The following DSCAM variants were observed in gnomAD, a reference collection of about 807,000 sequenced individuals.
DSCAM encodes cell adhesion molecule DSCAM.
Under a neutral mutation model 217.7 loss-of-function variants are expected in DSCAM, and 47 were observed. That is an observed-to-expected ratio of 0.22 (90% CI 0.17 to 0.28). The LOEUF (loss-of-function observed/expected upper bound fraction) is 0.28. Among genes scored for constraint, DSCAM ranks in the 10% least tolerant of loss-of-function variants. The probability of loss-of-function intolerance (pLI) is 1.00; values close to 1 mark genes in which losing one functional copy is unlikely to be tolerated. For missense variants in DSCAM, 2,080 were observed against 2,618.3 expected (o/e 0.79, Z 4.49); for synonymous variants, 1,056 against 1,015.3 (o/e 1.04, Z -0.76).
At chr21:40,804,300 G>T (rs774777492) in intron 1 of DSCAM, among the ~76,000 whole-genome samples, 41 of 152,134 alleles carry the variant, frequency 2.7e-4, no homozygotes, top group Non-Finnish European at 5.4e-4. Context: ...TTTTCCAGAG[G>T]ATCACAGAAA....
chr21:40,709,968 C>T (rs146506511), intron 1 of DSCAM, among the ~76,000 whole-genome samples: 69 of 152,270 alleles, frequency 4.5e-4, no homozygotes, highest in African/African-American at 1.5e-3. Context: ...AGTGTTAAAG[C>T]GTTCCTATTT....
intron 3 of DSCAM, among the ~76,000 whole-genome samples, chr21:40,545,614 A>C (rs780811307): frequency 2.6e-5 from 4 of 152,054 alleles, no homozygotes; most frequent in Non-Finnish European, 4.4e-5. Flanking sequence ...CAGTTTCCTC[A>C]TCTCTAAAAC....
intron 1 of DSCAM, among the ~76,000 whole-genome samples, chr21:40,775,737 C>T (rs2091482209): frequency 6.6e-6 from 1 of 152,164 alleles, no homozygotes; most frequent in South Asian, 2.1e-4. Flanking sequence ...GTCGGCATCC[C>T]TGGTTCTCAA....
Position 40,846,692 on chromosome 21 carries a change from G to A in DSCAM, c.-31C>T. The A allele has an allele frequency of 6.2e-6, 7 of 1,120,534 alleles. No homozygotes were observed. The highest frequency in any genetic ancestry group is 7.8e-6 in the Non-Finnish European group (7 of 901,478). 69.4% of individuals were successfully genotyped at this position (1,120,534 alleles called of 1,614,324 possible). A position where few individuals can be genotyped will look rare whatever the true frequency, so the allele number is the denominator to read the frequency against. On this transcript the variant is annotated 5_prime_UTR_variant, in exon 1 of 33. Coordinates refer to ENST00000400454, the MANE Select transcript of DSCAM (RefSeq NM_001389.5). ...TGCCGCTCCCCGGCCTCCCGCGAGC[G>A]ACGCGCCGGCCTCGCCCCCCGCGCT...
chr21:40,039,234 C>T (rs1023760098), intron 32 of DSCAM, among the ~76,000 whole-genome samples: 4 of 149,370 alleles, frequency 2.7e-5, no homozygotes, highest in African/African-American at 7.4e-5. Flanking sequence ...GGAAACGTGT[C>T]AGAAAAAAAT....
chr21:40,447,148 C>G (rs2075681639), intron 3 of DSCAM, among the ~76,000 whole-genome samples: 1 of 152,176 alleles, frequency 6.6e-6, no homozygotes, highest in African/African-American at 2.4e-5. Context: ...ATTTCTTCCT[C>G]AGGGTGGAGG....
In DSCAM at chr21:40,642,042, C is replaced by CAA. The variant is rs67361149; in HGVS notation, c.508+50766_508+50767dup. ...TGCCTGGGTGACAGAGACTCTGTCT[C>CAA]AAAAAAAAAAAAAAAAACAAAGATT... On this transcript the variant is annotated intron_variant, in intron 3 of 32. Coordinates refer to ENST00000400454, the MANE Select transcript of DSCAM (RefSeq NM_001389.5). 4.3e-3 allele frequency among the ~76,000 whole-genome samples: 382 copies of CAA among 89,054 alleles called. 9 individuals carry two copies. Among genetic ancestry groups the CAA allele is most frequent in the East Asian group, 0.04 (103 of 2,590 alleles). 58.4% of individuals were successfully genotyped at this position (89,054 alleles called of 152,430 possible). A position where few individuals can be genotyped will look rare whatever the true frequency, so the allele number is the denominator to read the frequency against.
At chr21:40,082,584 ACT>A (rs1367871919) in intron 24 of DSCAM, among the ~76,000 whole-genome samples, 5 of 151,202 alleles carry the variant, frequency 3.3e-5, no homozygotes, top group East Asian at 2.0e-4. Flanking sequence ...TCTATTAATG[ACT>A]CTCTGTGCAT....
chr21:40,607,606 G>C (rs888444124), intron 3 of DSCAM, among the ~76,000 whole-genome samples: 1 of 151,936 alleles, frequency 6.6e-6, no homozygotes, highest in East Asian at 1.9e-4. Context: ...TGGAAACATG[G>C]GCGGGTGGGG....
At chr21:40,279,227 C>T (rs1368318348) in intron 10 of DSCAM, among the ~76,000 whole-genome samples, 1 of 152,154 alleles carries the variant, frequency 6.6e-6, no homozygotes, top group Non-Finnish European at 1.5e-5. Flanking sequence ...AAAGGACAAC[C>T]ATTTTTATCC....
intron 3 of DSCAM, among the ~76,000 whole-genome samples, chr21:40,573,165 G>A (rs996426813): frequency 6.6e-5 from 10 of 151,966 alleles, no homozygotes; most frequent in South Asian, 6.2e-4. Context: ...TTGAAACCCC[G>A]TCTCTACTAA....
At chr21:40,356,388 G>GATATAT (rs60717299) in intron 4 of DSCAM, among the ~76,000 whole-genome samples, 58,966 of 146,846 alleles carry the variant, frequency 0.4, 12,443 homozygotes, top group Non-Finnish European at 0.47. Flanking sequence ...GCTTGATAGT[G>GATATAT]ATATATATAT....
chr21:40,340,443 A>G (rs989307216), intron 6 of DSCAM, among the ~76,000 whole-genome samples: 1 of 152,222 alleles, frequency 6.6e-6, no homozygotes, highest in African/African-American at 2.4e-5. Context: ...ATACATGCAT[A>G]TTAAAGGAAA....
chr21:40,475,892 G>C (rs1217835179), intron 3 of DSCAM, among the ~76,000 whole-genome samples: 2 of 151,994 alleles, frequency 1.3e-5, no homozygotes, highest in South Asian at 2.1e-4. Flanking sequence ...CATTTGAGTA[G>C]TTTCAAGTTT....
intron 3 of DSCAM, among the ~76,000 whole-genome samples, chr21:40,626,501 T>C (rs2089603037): frequency 6.6e-6 from 1 of 152,232 alleles, no homozygotes; most frequent in Non-Finnish European, 1.5e-5. Context: ...CTTTGGTGAC[T>C]TTCCATTGAA....
intron 2 of DSCAM, among the ~76,000 whole-genome samples, chr21:40,706,180 CAAAA>C (rs560131166): frequency 2.0e-5 from 2 of 99,478 alleles, no homozygotes; most frequent in South Asian, 3.4e-4. Context: ...ACTCCAGTCT[CAAAA>C]AAAAAAAAAA....
At chr21:40,775,034 C>T (rs2091476489) in intron 1 of DSCAM, among the ~76,000 whole-genome samples, 1 of 151,652 alleles carries the variant, frequency 6.6e-6, no homozygotes, top group Non-Finnish European at 1.5e-5. Context: ...CCAATCTGAC[C>T]CCTTGTTGGG....
intron 3 of DSCAM, among the ~76,000 whole-genome samples, chr21:40,617,937 C>G (rs13046040): frequency 0.11 from 17,233 of 152,230 alleles, 1,299 homozygotes; most frequent in East Asian, 0.23. Context: ...GGCAAAACAC[C>G]GGCACCCACC....
At chr21:40,769,686 C>T (rs2123381097) in intron 1 of DSCAM, among the ~76,000 whole-genome samples, 1 of 152,316 alleles carries the variant, frequency 6.6e-6, no homozygotes, top group Non-Finnish European at 1.5e-5. Flanking sequence ...TAAGCCCTGA[C>T]TTTGGAGCAT....
Sources: gnomAD v4.1 joint callset for allele counts (sites outside exome capture counted in the v4.1 genomes callset) on GRCh38, gnomAD v4.1.1 for gene constraint, MANE v1.5 for transcripts, NCBI Gene and HGNC (gene_info 2026-07-23, HGNC 2026-07-21) for gene names.